ACSL4: variants seen among roughly 807,000 people sequenced by gnomAD.
ACSL4 encodes the protein long-chain-fatty-acid--CoA ligase 4.
In ACSL4, 9 loss-of-function variants were observed where a neutral mutation model predicts 49.1. That is an observed-to-expected ratio of 0.18 (90% CI 0.11 to 0.32). ACSL4 has a LOEUF of 0.32. ACSL4 is among the 10% of genes least tolerant of loss of function. ACSL4 has a pLI of 1.00. For synonymous variants in ACSL4, 191 were observed against 170.3 expected (o/e 1.12, Z -0.95); for missense variants, 333 against 493.7 (o/e 0.67, Z 3.08).
intron 13 of ACSL4, 126 bp downstream of exon 13, chrX:109,663,085 T>G (rs1922309277): frequency 8.2e-6 from 5 of 611,839 alleles, no homozygotes; most frequent in Non-Finnish European, 1.3e-5. Context: ...ATACATAAGT[T>G]AAATAACTTG....
chrX:109,683,215 C>A lies in ACSL4; in HGVS notation c.149G>T (p.Gly50Val). 1 of 1,211,613 alleles carries A rather than the reference C, an allele frequency of 8.3e-7. No homozygotes were observed. ...KLFDHAVSKF[G>V]KKDSLGTREI... ...CCTGGTCCCAAGGCTGTCCTTCTTC[C>A]CAAACTTGGATACAGCATGGTCAAA... Residue 50 changes from glycine to valine, a missense_variant, in exon 3 of 16, where the codon GGG becomes GTG. Coordinates refer to ENST00000672401, the MANE Select transcript of ACSL4 (RefSeq NM_001318510.2).
At chrX:109,649,160 A>G (rs1197850545) in intron 15 of ACSL4, among the ~76,000 whole-genome samples, 1 of 111,713 alleles carries the variant, frequency 9.0e-6, no homozygotes, top group Non-Finnish European at 1.9e-5. Context: ...TTCTTCACAG[A>G]ATTGGAAAAA....
At chrX:109,706,186 CT>C (rs1265209738) in intron 1 of ACSL4, among the ~76,000 whole-genome samples, 1 of 112,459 alleles carries the variant, frequency 8.9e-6, no homozygotes, top group African/African-American at 3.2e-5. Context: ...ACAATGATAA[CT>C]GTAAAATAAT....
intron 15 of ACSL4, among the ~76,000 whole-genome samples, chrX:109,651,066 A>C (rs1269540551): frequency 1.8e-5 from 2 of 112,321 alleles, no homozygotes; most frequent in East Asian, 2.8e-4. Flanking sequence ...GCAAAATATA[A>C]GGAAGGACAT....
At chrX:109,718,597 A>C (rs1004036287) in intron 1 of ACSL4, among the ~76,000 whole-genome samples, 3 of 111,503 alleles carry the variant, frequency 2.7e-5, no homozygotes, top group Non-Finnish European at 5.6e-5. Context: ...TCTACAAAAA[A>C]TACAAAAATT....
At chrX:109,659,237 T>C (rs2147386243) in intron 15 of ACSL4, 117 bp downstream of exon 15, 2 of 680,673 alleles carry the variant, frequency 2.9e-6, no homozygotes, top group Non-Finnish European at 4.5e-6. Flanking sequence ...ATTTAAGAAA[T>C]AGGTTTCTTA....
intron 1 of ACSL4, among the ~76,000 whole-genome samples, chrX:109,729,914 T>C (rs1928296472): frequency 8.9e-6 from 1 of 112,247 alleles, no homozygotes; most frequent in Non-Finnish European, 1.9e-5. Context: ...GACAAAATTA[T>C]AGACATGAAA....
chrX:109,724,856 G>T (rs943562102), intron 1 of ACSL4, among the ~76,000 whole-genome samples: 1 of 110,407 alleles, frequency 9.1e-6, no homozygotes, highest in Admixed American at 9.7e-5. Flanking sequence ...AGGTTGTAGT[G>T]AGCCGAGATC....
At chrX:109,662,003 G>T (rs1043100717) in intron 13 of ACSL4, among the ~76,000 whole-genome samples, 5 of 111,188 alleles carry the variant, frequency 4.5e-5, no homozygotes, top group Non-Finnish European at 9.5e-5. Flanking sequence ...TGGTAACTCT[G>T]CCTGGTACTA....
chrX:109,646,301 C>G (rs1172819587), intron 15 of ACSL4, among the ~76,000 whole-genome samples: 1 of 111,804 alleles, frequency 8.9e-6, no homozygotes, highest in Non-Finnish European at 1.9e-5. Context: ...AAGGGAAGCC[C>G]ATCAGACTAA....
At chrX:109,685,404 G>A (rs1185038712) in intron 2 of ACSL4, 1 of 110,933 alleles carries the variant, frequency 9.0e-6, no homozygotes, top group Non-Finnish European at 1.9e-5. Flanking sequence ...CCCAAGAATA[G>A]GAACATTTTT....
At chrX:109,703,284 T>C (rs4893536) in intron 1 of ACSL4, among the ~76,000 whole-genome samples, 44,982 of 109,927 alleles carry the variant, frequency 0.41, 8,025 homozygotes, top group Middle Eastern at 0.61. Context: ...CTTGCCCAAA[T>C]TGCATAATCT....
At chrX:109,730,913 G>A (rs1928387307) in intron 1 of ACSL4, among the ~76,000 whole-genome samples, 1 of 111,413 alleles carries the variant, frequency 9.0e-6, no homozygotes, top group Non-Finnish European at 1.9e-5. Flanking sequence ...TGATCCGCCG[G>A]CCTCGGCCTC....
In ACSL4 at chrX:109,717,965, G is replaced by C. The variant is rs375430034; in HGVS notation, c.-66+15174C>G. On this transcript the variant is annotated intron_variant, in intron 1 of 15. Coordinates refer to ENST00000672401, the MANE Select transcript of ACSL4 (RefSeq NM_001318510.2). ...GGAAGCCAAAAGGCTGGATAACCATGGTTGAGAGGATCATCCCACAGAACT... is the reference window on the plus strand; with the variant it reads ...GGAAGCCAAAAGGCTGGATAACCATCGTTGAGAGGATCATCCCACAGAACT... 1.0e-3 allele frequency among the ~76,000 whole-genome samples: 113 copies of C among 111,683 alleles called. 1 individual carries two copies. The South Asian group carries it at 0.041, about 40-fold the overall frequency.
At chrX:109,724,138 G>T (rs1927774689) in intron 1 of ACSL4, among the ~76,000 whole-genome samples, 1 of 112,003 alleles carries the variant, frequency 8.9e-6, no homozygotes, top group South Asian at 3.7e-4. Flanking sequence ...AATTTAAAAG[G>T]TTAATTTCAG....
At chrX:109,721,216 T>C (rs1201415331) in intron 1 of ACSL4, among the ~76,000 whole-genome samples, 2 of 112,072 alleles carry the variant, frequency 1.8e-5, no homozygotes, top group African/African-American at 6.5e-5. Context: ...GAGGGAGTTT[T>C]CAGTTTTCAG....
At chrX:109,646,256 A>C (rs1188049543) in intron 15 of ACSL4, among the ~76,000 whole-genome samples, 3 of 111,675 alleles carry the variant, frequency 2.7e-5, no homozygotes, top group African/African-American at 9.8e-5. Context: ...AAAAAATGTT[A>C]AGGGCAGCCA....
intron 15 of ACSL4, among the ~76,000 whole-genome samples, chrX:109,647,546 C>G (rs1322553105): frequency 1.8e-5 from 2 of 111,608 alleles, no homozygotes; most frequent in Non-Finnish European, 3.8e-5. Flanking sequence ...AAATTTATAG[C>G]ACTAAATGCC....
intron 9 of ACSL4, among the ~76,000 whole-genome samples, chrX:109,671,288 G>A (rs1249597493): frequency 9.0e-6 from 1 of 110,992 alleles, no homozygotes; most frequent in East Asian, 2.9e-4. Flanking sequence ...CCCCGTCTGG[G>A]AACTGAGGAG....
Sources: gnomAD v4.1 joint callset for allele counts (sites outside exome capture counted in the v4.1 genomes callset) on GRCh38, gnomAD v4.1.1 for gene constraint, MANE v1.5 for transcripts, NCBI Gene and HGNC (gene_info 2026-07-23, HGNC 2026-07-21) for gene names.